Variants in IQCM observed in about 807,000 individuals in gnomAD.
IQCM encodes IQ motif containing M, also known as IQ domain-containing protein M.
A neutral mutation model predicts 57.6 loss-of-function variants in IQCM; 45 were observed. That is an observed-to-expected ratio of 0.78 (90% CI 0.62 to 1.00). The LOEUF is 1.00. IQCM is among the 50% of genes least tolerant of loss of function. The probability of loss-of-function intolerance (pLI) is 0.00; values close to 1 mark genes in which losing one functional copy is unlikely to be tolerated. For synonymous variants in IQCM, 148 were observed against 158.9 expected (o/e 0.93, Z 0.51); for missense variants, 468 against 511.6 (o/e 0.91, Z 0.82).
chr4:149,450,428 C>T (rs1417304898), intron 12 of IQCM, among the ~76,000 whole-genome samples: 2 of 151,868 alleles, frequency 1.3e-5, no homozygotes, highest in East Asian at 1.9e-4. Flanking sequence ...AGAAAACACA[C>T]ATAGAATGGT....
chr4:149,675,853 A>G (rs2150189594), intron 7 of IQCM, among the ~76,000 whole-genome samples: 1 of 152,116 alleles, frequency 6.6e-6, no homozygotes, highest in South Asian at 2.1e-4. Flanking sequence ...GCCATCCAGA[A>G]AGAGGAAATT....
intron 6 of IQCM, among the ~76,000 whole-genome samples, chr4:149,682,975 T>C (rs1046699139): frequency 1.3e-5 from 2 of 151,224 alleles, no homozygotes; most frequent in Non-Finnish European, 3.0e-5. Context: ...GGAATATATT[T>C]CATTCCTTTT....
chr4:149,480,444 T>C (rs1430083378), intron 12 of IQCM, among the ~76,000 whole-genome samples: 1 of 152,142 alleles, frequency 6.6e-6, no homozygotes, highest in Non-Finnish European at 1.5e-5. Flanking sequence ...GTAACCAGCC[T>C]TCTATTCTCT....
intron 12 of IQCM, among the ~76,000 whole-genome samples, chr4:149,459,113 C>A (rs1738006871): frequency 6.6e-6 from 1 of 152,130 alleles, no homozygotes; most frequent in Admixed American, 6.6e-5. Flanking sequence ...GTTCCAAATA[C>A]CTCAAGAAAA....
At chr4:149,801,761 G>A (rs150329993) in intron 2 of IQCM, among the ~76,000 whole-genome samples, 1 of 151,988 alleles carries the variant, frequency 6.6e-6, no homozygotes, top group Admixed American at 6.6e-5. Flanking sequence ...GTGGAGGACT[G>A]GAGGGAAGGT....
intron 9 of IQCM, among the ~76,000 whole-genome samples, chr4:149,585,391 T>C (rs1460125754): frequency 6.6e-6 from 1 of 151,694 alleles, no homozygotes; most frequent in African/African-American, 2.4e-5. Context: ...CGTGGAATTT[T>C]TATGATAGAA....
chr4:149,570,235 CT>C (rs1276301697), intron 9 of IQCM, among the ~76,000 whole-genome samples: 1 of 151,978 alleles, frequency 6.6e-6, no homozygotes, highest in Non-Finnish European at 1.5e-5. Context: ...AGAATTGATA[CT>C]TTTTTCTATC....
intron 7 of IQCM, among the ~76,000 whole-genome samples, chr4:149,637,817 AATC>A (rs1486060663): frequency 3.3e-5 from 5 of 152,228 alleles, no homozygotes; most frequent in Admixed American, 6.5e-5. Flanking sequence ...CACACACACA[AATC>A]AGTTTGAGGT....
At chr4:149,584,654 A>G (rs1305910431) in intron 9 of IQCM, among the ~76,000 whole-genome samples, 1 of 151,736 alleles carries the variant, frequency 6.6e-6, no homozygotes, top group African/African-American at 2.4e-5. Context: ...ACTTGTACAT[A>G]TACAAACAAA....
At chr4:149,653,482 T>A (rs1285049563) in intron 7 of IQCM, among the ~76,000 whole-genome samples, 2 of 149,350 alleles carry the variant, frequency 1.3e-5, no homozygotes, top group Non-Finnish European at 3.0e-5. Flanking sequence ...TGTGCACATT[T>A]TATATATATA....
intron 9 of IQCM, among the ~76,000 whole-genome samples, chr4:149,581,154 G>A (rs1400685914): frequency 6.6e-6 from 1 of 151,604 alleles, no homozygotes; most frequent in Non-Finnish European, 1.5e-5. Context: ...AGTATGTCAT[G>A]GCAGGTGGAG....
intron 13 of IQCM, among the ~76,000 whole-genome samples, chr4:149,431,931 T>TTA (rs370111091): frequency 0.036 from 5,254 of 146,478 alleles, 186 homozygotes; most frequent in African/African-American, 0.095. Context: ...ATAATGTTGA[T>TTA]TATATATATA....
At chr4:149,570,976 A>G (rs1468008614) in intron 9 of IQCM, among the ~76,000 whole-genome samples, 1 of 152,074 alleles carries the variant, frequency 6.6e-6, no homozygotes, top group African/African-American at 2.4e-5. Flanking sequence ...AGAATTTACT[A>G]TCAGAAAGAG....
At chr4:149,590,797 C>T (rs1172133844) in intron 8 of IQCM, among the ~76,000 whole-genome samples, 1 of 152,050 alleles carries the variant, frequency 6.6e-6, no homozygotes, top group Non-Finnish European at 1.5e-5. Context: ...TTTTTTATAG[C>T]TGCATAGTAT....
At chr4:149,530,047 C>T (rs574772148) in intron 12 of IQCM, among the ~76,000 whole-genome samples, 80 of 152,178 alleles carry the variant, frequency 5.3e-4, no homozygotes, top group Admixed American at 7.9e-4. Flanking sequence ...TTGATCCTTC[C>T]CACAGTCATC....
At chr4:149,610,097 T>C (rs1755146643) in intron 8 of IQCM, among the ~76,000 whole-genome samples, 1 of 151,710 alleles carries the variant, frequency 6.6e-6, no homozygotes, top group South Asian at 2.1e-4. Flanking sequence ...GCAAACAATC[T>C]GAAAAAGAAA....
intron 12 of IQCM, among the ~76,000 whole-genome samples, chr4:149,468,349 G>T (rs1039690449): frequency 6.6e-6 from 1 of 152,212 alleles, no homozygotes; most frequent in African/African-American, 2.4e-5. Flanking sequence ...AGCTCAGAGG[G>T]TCCCACACCC....
intron 12 of IQCM, among the ~76,000 whole-genome samples, chr4:149,522,527 G>T (rs937772717): frequency 2.0e-5 from 3 of 152,130 alleles, no homozygotes; most frequent in Non-Finnish European, 4.4e-5. Context: ...TAATAATTCA[G>T]TGAATACATT....
intron 12 of IQCM, among the ~76,000 whole-genome samples, chr4:149,451,634 GTTAT>G (rs1191017790): frequency 6.6e-6 from 1 of 151,682 alleles, no homozygotes; most frequent in Non-Finnish European, 1.5e-5. Flanking sequence ...AATTCATCAT[GTTAT>G]TTAACCACAT....
Sources: gnomAD v4.1 joint callset for allele counts (sites outside exome capture counted in the v4.1 genomes callset) on GRCh38, gnomAD v4.1.1 for gene constraint, MANE v1.5 for transcripts, NCBI Gene and HGNC (gene_info 2026-07-23, HGNC 2026-07-21) for gene names.